The following HS6ST3 variants were observed in gnomAD, a reference collection of about 807,000 sequenced individuals.
HS6ST3 encodes the protein heparan sulfate 6-O-sulfotransferase 3, also known as heparan-sulfate 6-O-sulfotransferase 3.
A neutral mutation model predicts 36.7 loss-of-function variants in HS6ST3; 12 were observed. The observed-to-expected ratio is 0.33, with a 90% CI of 0.21 to 0.53. The LOEUF (loss-of-function observed/expected upper bound fraction) is 0.53. HS6ST3 is among the 20% of genes least tolerant of loss of function. The probability of loss-of-function intolerance (pLI) is 0.95; values close to 1 mark genes in which losing one functional copy is unlikely to be tolerated. For missense variants in HS6ST3, 584 were observed against 640.9 expected (o/e 0.91, Z 0.96); for synonymous variants, 240 against 257.5 (o/e 0.93, Z 0.65).
At chr13:96,282,493 C>T (rs373540600) in intron 1 of HS6ST3, among the ~76,000 whole-genome samples, 48 of 152,230 alleles carry the variant, frequency 3.2e-4, no homozygotes, top group African/African-American at 4.1e-4. Context: ...CAATGAGGAA[C>T]GTATGTGGGT....
At chr13:96,315,989 G>T (rs1020763252) in intron 1 of HS6ST3, among the ~76,000 whole-genome samples, 2 of 152,074 alleles carry the variant, frequency 1.3e-5, no homozygotes, top group Non-Finnish European at 2.9e-5. Flanking sequence ...ACTTCGGAAT[G>T]CTCACTTCTG....
chr13:96,710,490 G>A (rs1034369163), intron 1 of HS6ST3, among the ~76,000 whole-genome samples: 8 of 152,250 alleles, frequency 5.3e-5, no homozygotes, highest in Non-Finnish European at 8.8e-5. Context: ...TTTCTCAGGT[G>A]AACACAAGTA....
intron 1 of HS6ST3, among the ~76,000 whole-genome samples, chr13:96,228,749 G>C (rs1304225884): frequency 6.6e-6 from 1 of 152,116 alleles, no homozygotes; most frequent in Non-Finnish European, 1.5e-5. Context: ...TCTGCCTTCA[G>C]GGAACTTTTC....
rs145106884 is a variant in HS6ST3, at chr13:96,779,024, G to A, written c.708-53466G>A. Reference sequence around the variant, plus strand: ...ATGAGTTCATGTCCTTTGCAGGGACGTGGATGAAGCTGGAAACCATCATTC... The same window carrying A: ...ATGAGTTCATGTCCTTTGCAGGGACATGGATGAAGCTGGAAACCATCATTC... On this transcript the variant is annotated intron_variant, in intron 1 of 1. Coordinates refer to ENST00000376705, the MANE Select transcript of HS6ST3 (RefSeq NM_153456.4). Among the ~76,000 whole-genome samples the A allele has an allele frequency of 6.5e-3, 981 of 152,070 alleles. 7 individuals carry two copies. Among genetic ancestry groups the A allele is most frequent in the African/African-American group, 0.021 (889 of 41,496 alleles).
At chr13:96,443,987 A>G (rs12866071) in intron 1 of HS6ST3, among the ~76,000 whole-genome samples, 31,116 of 152,132 alleles carry the variant, frequency 0.2, 3,383 homozygotes, top group African/African-American at 0.28. Context: ...ACATATTCAC[A>G]TACACAAATT....
intron 1 of HS6ST3, among the ~76,000 whole-genome samples, chr13:96,147,595 C>G (rs182120336): frequency 3.0e-4 from 46 of 152,312 alleles, no homozygotes; most frequent in African/African-American, 1.1e-3. Flanking sequence ...CCCTCCACAG[C>G]TCAAAGCTGT....
chr13:96,311,407 G>A (rs1450124772), intron 1 of HS6ST3, among the ~76,000 whole-genome samples: 1 of 152,166 alleles, frequency 6.6e-6, no homozygotes, highest in Non-Finnish European at 1.5e-5. Context: ...CAATTGGTGG[G>A]AAGTTGTGGG....
chr13:96,296,420 G>C (rs1454729377), intron 1 of HS6ST3, among the ~76,000 whole-genome samples: 3 of 152,030 alleles, frequency 2.0e-5, no homozygotes, highest in Non-Finnish European at 2.9e-5. Context: ...TTTCAGAATG[G>C]GTTCTTGGCA....
chr13:96,292,127 G>A (rs1483674169), intron 1 of HS6ST3, among the ~76,000 whole-genome samples: 1 of 152,090 alleles, frequency 6.6e-6, no homozygotes, highest in Non-Finnish European at 1.5e-5. Flanking sequence ...GTTAACATGT[G>A]TGAGAATGGT....
At chr13:96,150,586 A>C (rs2054080311) in intron 1 of HS6ST3, among the ~76,000 whole-genome samples, 1 of 131,274 alleles carries the variant, frequency 7.6e-6, no homozygotes, top group East Asian at 2.2e-4. Context: ...TTTTACCACA[A>C]ATCTTGAGAG....
rs143211388 is a variant in HS6ST3 at position 96,304,987 on chromosome 13, A to G, written c.707+213418A>G. 8.4e-4 allele frequency among the ~76,000 whole-genome samples: 127 copies of G among 151,902 alleles called. 1 individual carries two copies. In the East Asian group the frequency reaches 0.022, roughly 27 times the overall value. On this transcript the variant is annotated intron_variant, in intron 1 of 1. Transcript: ENST00000376705. Reference sequence around the variant, plus strand: ...TTCCCAAAGTGCAGGGATTACAGGCATGAGCCACTGGATGTTTTTCTAATG... The same window carrying G: ...TTCCCAAAGTGCAGGGATTACAGGCGTGAGCCACTGGATGTTTTTCTAATG...
intron 1 of HS6ST3, among the ~76,000 whole-genome samples, chr13:96,598,648 A>C (rs946560189): frequency 6.6e-6 from 1 of 152,048 alleles, no homozygotes; most frequent in East Asian, 1.9e-4. Context: ...TTCTTTTCCA[A>C]TTTGGATGTC....
chr13:96,097,684 A>AACTTTGTT (rs1441841841), intron 1 of HS6ST3, among the ~76,000 whole-genome samples: 1 of 152,188 alleles, frequency 6.6e-6, no homozygotes, highest in East Asian at 1.9e-4. Flanking sequence ...TAGCTAATAC[A>AACTTTGTT]ACTTTGTTTA....
intron 1 of HS6ST3, among the ~76,000 whole-genome samples, chr13:96,693,867 T>C (rs1468812319): frequency 6.6e-6 from 1 of 152,172 alleles, no homozygotes; most frequent in Non-Finnish European, 1.5e-5. Context: ...TGGGTCCAGA[T>C]TTAACCCTTA....
intron 1 of HS6ST3, among the ~76,000 whole-genome samples, chr13:96,481,141 A>G (rs1228170090): frequency 6.6e-6 from 1 of 152,190 alleles, no homozygotes; most frequent in Non-Finnish European, 1.5e-5. Context: ...ACTCCCAAGT[A>G]CCTCATGACC....
At position 96,839,537 on chromosome 13, in the gene HS6ST3, T is replaced by C. The variant is rs1213797823; in HGVS notation, c.*6339T>C. On this transcript the variant is annotated 3_prime_UTR_variant, in exon 2 of 2. Coordinates refer to ENST00000376705, the MANE Select transcript of HS6ST3 (RefSeq NM_153456.4). ...ACAATTTAATGAATAAGTTAAAATATTAAACTGTTGTGATGTCAAGAGCAA... is the reference window on the plus strand; with the variant it reads ...ACAATTTAATGAATAAGTTAAAATACTAAACTGTTGTGATGTCAAGAGCAA... 2 of 152,218 alleles carry C rather than the reference T, an allele frequency of 1.3e-5. No homozygotes were observed. The allele number at this position is 152,218 out of a possible 1,614,324, so 9.4% of individuals were successfully genotyped here.
At chr13:96,647,209 A>G (rs1482644317) in intron 1 of HS6ST3, among the ~76,000 whole-genome samples, 1 of 152,036 alleles carries the variant, frequency 6.6e-6, no homozygotes, top group Admixed American at 6.6e-5. Context: ...TAATTTGACA[A>G]TTACAAATAC....
chr13:96,457,844 A>T (rs1426728148), intron 1 of HS6ST3, among the ~76,000 whole-genome samples: 2 of 152,146 alleles, frequency 1.3e-5, no homozygotes, highest in African/African-American at 4.8e-5. Context: ...TTTTTTTCCA[A>T]GAAAACTTGT....
intron 1 of HS6ST3, among the ~76,000 whole-genome samples, chr13:96,744,183 CTT>C (rs1047725816): frequency 2.0e-5 from 3 of 151,764 alleles, no homozygotes; most frequent in African/African-American, 7.3e-5. Context: ...GAAATTTTGT[CTT>C]ATTTTAATTT....
Sources: allele counts gnomAD v4.1 joint callset (sites outside exome capture counted in the v4.1 genomes callset), GRCh38; gene constraint gnomAD v4.1.1; transcripts MANE v1.5; gene names NCBI Gene and HGNC (gene_info 2026-07-23, HGNC 2026-07-21).